The following CDH4 variants were observed in gnomAD, a reference collection of about 807,000 sequenced individuals.
CDH4 encodes cadherin 4, also known as cadherin-4.
Under a neutral mutation model 86.0 loss-of-function variants are expected in CDH4, and 33 were observed. The observed-to-expected ratio is 0.38, with a 90% CI of 0.29 to 0.51. The LOEUF is 0.51. CDH4 is among the 20% of genes least tolerant of loss of function. The probability of loss-of-function intolerance (pLI) is 0.86; values close to 1 mark genes in which losing one functional copy is unlikely to be tolerated. For missense variants in CDH4, 1,114 were observed against 1,307.4 expected (o/e 0.85, Z 2.28); for synonymous variants, 555 against 549.4 (o/e 1.01, Z -0.14).
At chr20:61,784,627 G>GA (rs1175686590) in intron 4 of CDH4, among the ~76,000 whole-genome samples, 20 of 57,370 alleles carry the variant, frequency 3.5e-4, no homozygotes, top group South Asian at 6.0e-4. Context: ...GCCCCCAGGA[G>GA]AATGTAAGCC....
At chr20:61,919,740 T>A (rs2122956506) in intron 9 of CDH4, among the ~76,000 whole-genome samples, 1 of 150,996 alleles carries the variant, frequency 6.6e-6, no homozygotes, top group South Asian at 2.1e-4. Flanking sequence ...GATGATTGCG[T>A]GGAAGCATGT....
intron 2 of CDH4, among the ~76,000 whole-genome samples, chr20:61,697,435 T>G (rs1446207250): frequency 6.6e-6 from 1 of 152,068 alleles, no homozygotes; most frequent in Non-Finnish European, 1.5e-5. Context: ...CCGTCTCTAC[T>G]AAGAATACAA....
intron 2 of CDH4, among the ~76,000 whole-genome samples, chr20:61,567,174 C>T (rs960285647): frequency 6.6e-6 from 1 of 152,178 alleles, no homozygotes; most frequent in Admixed American, 6.5e-5. Context: ...CAGAAAATTC[C>T]GAAAGCTGAC....
intron 7 of CDH4, among the ~76,000 whole-genome samples, chr20:61,883,641 G>A (rs1445154137): frequency 6.6e-6 from 1 of 152,240 alleles, no homozygotes; most frequent in Non-Finnish European, 1.5e-5. Context: ...CAGGCACGTG[G>A]CCCTCCACAG....
At chr20:61,722,601 G>C (rs1349987902) in intron 2 of CDH4, among the ~76,000 whole-genome samples, 1 of 152,050 alleles carries the variant, frequency 6.6e-6, no homozygotes, top group Non-Finnish European at 1.5e-5. Flanking sequence ...CTTCCACTCT[G>C]TCCCAAGGAC....
At chr20:61,650,949 T>A (rs2087114020) in intron 2 of CDH4, among the ~76,000 whole-genome samples, 1 of 152,248 alleles carries the variant, frequency 6.6e-6, no homozygotes, top group Non-Finnish European at 1.5e-5. Context: ...AGGGCTAACA[T>A]CGAACCTTTA....
chr20:61,592,473 C>T (rs527780038), intron 2 of CDH4, among the ~76,000 whole-genome samples: 1 of 113,220 alleles, frequency 8.8e-6, no homozygotes, highest in South Asian at 3.1e-4. Context: ...AATTCATATG[C>T]CTTAAAATTC....
At chr20:61,899,688 A>G (rs148101930) in intron 8 of CDH4, among the ~76,000 whole-genome samples, 2,923 of 152,204 alleles carry the variant, frequency 0.019, 79 homozygotes, top group African/African-American at 0.066. Context: ...CGGCCTCCCA[A>G]ACTGCTGGGA....
At chr20:61,932,519 A>C (rs1177873803) in intron 13 of CDH4, among the ~76,000 whole-genome samples, 1 of 152,134 alleles carries the variant, frequency 6.6e-6, no homozygotes, top group African/African-American at 2.4e-5. Context: ...ACATGGACAC[A>C]TGCACACACA....
chr20:61,431,492 T>C (rs2085246415), intron 2 of CDH4, among the ~76,000 whole-genome samples: 1 of 151,752 alleles, frequency 6.6e-6, no homozygotes, highest in Admixed American at 6.6e-5. Flanking sequence ...CCTGAGTAGC[T>C]GGTACTACGA....
At chr20:61,435,888 G>T (rs1262592335) in intron 2 of CDH4, 2 of 152,144 alleles carry the variant, frequency 1.3e-5, no homozygotes, top group African/African-American at 4.8e-5. Flanking sequence ...CATGTGCTGG[G>T]GAGGGGCTCC....
intron 3 of CDH4, among the ~76,000 whole-genome samples, chr20:61,750,810 T>C (rs930262140): frequency 7.9e-5 from 12 of 152,256 alleles, no homozygotes; most frequent in Admixed American, 3.3e-4. Flanking sequence ...CTGGATGTAA[T>C]AGTTGTACTT....
chr20:61,758,821 G>A lies in CDH4; in HGVS notation c.397-14182G>A, dbSNP rs906929982. ...CTGGGAGCTGAGAGGGCGCACAGGC[G>A]TGGTGCGGGGCAGGCACACGGGCCC... On this transcript the variant is annotated intron_variant, in intron 3 of 15. Coordinates refer to ENST00000614565, the MANE Select transcript of CDH4 (RefSeq NM_001794.5). Among the ~76,000 whole-genome samples the A allele has an allele frequency of 3.3e-5, 5 of 152,192 alleles. No individual in the cohort carries two copies. In the South Asian group the frequency reaches 8.3e-4, roughly 25 times the overall value.
At chr20:61,494,246 A>G (rs1286733459) in intron 2 of CDH4, among the ~76,000 whole-genome samples, 1 of 152,172 alleles carries the variant, frequency 6.6e-6, no homozygotes, top group African/African-American at 2.4e-5. Context: ...TGTTGCCTTC[A>G]TCCTCCTTTC....
intron 2 of CDH4, among the ~76,000 whole-genome samples, chr20:61,270,718 G>A (rs1034956566): frequency 2.6e-5 from 4 of 152,208 alleles, no homozygotes; most frequent in Non-Finnish European, 2.9e-5. Context: ...AATTACAGGG[G>A]CCTTTGAAAT....
chr20:61,614,900 C>T (rs1435318647), intron 2 of CDH4, among the ~76,000 whole-genome samples: 1 of 151,962 alleles, frequency 6.6e-6, no homozygotes, highest in Non-Finnish European at 1.5e-5. Flanking sequence ...CCAGCACTGA[C>T]TCCCAGCCCA....
At chr20:61,561,886 G>A (rs1251517597) in intron 2 of CDH4, among the ~76,000 whole-genome samples, 1 of 152,252 alleles carries the variant, frequency 6.6e-6, no homozygotes, top group Non-Finnish European at 1.5e-5. Flanking sequence ...GGCCCCAGTG[G>A]CTGCATGCGC....
chr20:61,712,230 G>A (rs2087901696), intron 2 of CDH4, among the ~76,000 whole-genome samples: 1 of 152,206 alleles, frequency 6.6e-6, no homozygotes, highest in African/African-American at 2.4e-5. Flanking sequence ...GATCCGTGTG[G>A]TGGAGTCCTG....
intron 2 of CDH4, among the ~76,000 whole-genome samples, chr20:61,365,536 G>T (rs528825558): frequency 1.3e-5 from 2 of 152,130 alleles, no homozygotes; most frequent in African/African-American, 2.4e-5. Flanking sequence ...TTGGAGCTGG[G>T]GGGTAATGAG....
Sources: gnomAD v4.1 joint callset for allele counts (sites outside exome capture counted in the v4.1 genomes callset) on GRCh38, gnomAD v4.1.1 for gene constraint, MANE v1.5 for transcripts, NCBI Gene and HGNC (gene_info 2026-07-23, HGNC 2026-07-21) for gene names.